Variants in DNAJC1 observed in about 807,000 individuals in gnomAD.
The protein encoded by DNAJC1 is dnaJ homolog subfamily C member 1.
In DNAJC1, 58 loss-of-function variants were observed where a neutral mutation model predicts 76.6. The ratio of observed to expected loss-of-function variants is 0.76; its 90% CI spans 0.61 to 0.94. The LOEUF (loss-of-function observed/expected upper bound fraction) is 0.94, where lower values mean the gene tolerates loss of function less well. Among genes scored for constraint, DNAJC1 ranks in the 40% least tolerant of loss-of-function variants. DNAJC1 has a pLI of 0.00. For missense variants in DNAJC1, 689 were observed against 677.3 expected (o/e 1.02, Z -0.19); for synonymous variants, 258 against 267.9 (o/e 0.96, Z 0.36).
intron 1 of DNAJC1, among the ~76,000 whole-genome samples, chr10:21,969,148 C>T (rs761157962): frequency 4.0e-5 from 6 of 150,206 alleles, no homozygotes; most frequent in Non-Finnish European, 5.9e-5. Flanking sequence ...TGCTTGAACC[C>T]GGGAGGCAGA....
intron 9 of DNAJC1, among the ~76,000 whole-genome samples, chr10:21,793,943 ACT>A (rs1276970122): frequency 2.0e-5 from 3 of 151,720 alleles, no homozygotes; most frequent in Admixed American, 6.6e-5. Context: ...ACAGAGTGAG[ACT>A]CTGTCAGAAA....
At chr10:21,959,624 G>A (rs2807966) in intron 1 of DNAJC1, among the ~76,000 whole-genome samples, 116,730 of 151,018 alleles carry the variant, frequency 0.77, 45,976 homozygotes, top group East Asian at 0.99. Flanking sequence ...TGTCTCTACT[G>A]AAAATACAAA....
At chr10:21,993,017 C>T (rs1838351311) in intron 1 of DNAJC1, among the ~76,000 whole-genome samples, 1 of 152,072 alleles carries the variant, frequency 6.6e-6, no homozygotes, top group Non-Finnish European at 1.5e-5. Flanking sequence ...ACTTTTGTTT[C>T]TACGAGAGCT....
chr10:21,875,646 C>T (rs933583369), intron 8 of DNAJC1, among the ~76,000 whole-genome samples: 1 of 152,142 alleles, frequency 6.6e-6, no homozygotes, highest in African/African-American at 2.4e-5. Flanking sequence ...AAAAAATAAG[C>T]TAGGCGTGGT....
intron 8 of DNAJC1, among the ~76,000 whole-genome samples, chr10:21,815,479 C>G (rs1383597430): frequency 6.6e-6 from 1 of 152,168 alleles, no homozygotes. Context: ...AATAAACTGT[C>G]CTCTATCTCT....
At chr10:21,958,548 C>T (rs1415636210) in intron 1 of DNAJC1, among the ~76,000 whole-genome samples, 3 of 152,084 alleles carry the variant, frequency 2.0e-5, no homozygotes, top group Non-Finnish European at 4.4e-5. Flanking sequence ...CTTCCTCAGC[C>T]TTCTCAGTAG....
intron 6 of DNAJC1, among the ~76,000 whole-genome samples, chr10:21,908,060 AAT>A (rs1269957762): frequency 8.5e-6 from 1 of 117,172 alleles, no homozygotes; most frequent in Non-Finnish European, 1.6e-5. Flanking sequence ...AAATATATAT[AAT>A]ATAATATACA....
chr10:21,888,709 A>C (rs1455733883), intron 7 of DNAJC1, among the ~76,000 whole-genome samples: 1 of 152,182 alleles, frequency 6.6e-6, no homozygotes, highest in Non-Finnish European at 1.5e-5. Flanking sequence ...TTCACTTACA[A>C]GTGAGAGCTA....
chr10:21,875,306 C>T (rs572978935), intron 8 of DNAJC1, among the ~76,000 whole-genome samples: 2 of 152,290 alleles, frequency 1.3e-5, no homozygotes, highest in South Asian at 4.1e-4. Flanking sequence ...CAGTTGTGCA[C>T]CACCAAGCCT....
intron 3 of DNAJC1, among the ~76,000 whole-genome samples, chr10:21,927,991 G>T (rs1837156718): frequency 6.6e-6 from 1 of 152,178 alleles, no homozygotes; most frequent in African/African-American, 2.4e-5. Context: ...AGAAATAGAT[G>T]CAAGAGGCAA....
intron 8 of DNAJC1, among the ~76,000 whole-genome samples, chr10:21,863,780 A>C (rs533741556): frequency 3.9e-5 from 6 of 152,294 alleles, no homozygotes; most frequent in Admixed American, 3.3e-4. Flanking sequence ...AAAAAGATCT[A>C]TTCATGATAA....
chr10:21,867,562 C>T (rs1455898142), intron 8 of DNAJC1, among the ~76,000 whole-genome samples: 1 of 152,026 alleles, frequency 6.6e-6, no homozygotes, highest in Non-Finnish European at 1.5e-5. Flanking sequence ...TTTCACACGA[C>T]TAGCAAAAGG....
intron 1 of DNAJC1, among the ~76,000 whole-genome samples, chr10:21,984,490 G>A (rs577493004): frequency 5.3e-5 from 8 of 152,260 alleles, no homozygotes; most frequent in Admixed American, 3.9e-4. Context: ...AAAATGGTGT[G>A]TCACCCTTTA....
At chr10:21,939,807 G>A (rs1228032150) in intron 1 of DNAJC1, among the ~76,000 whole-genome samples, 1 of 151,962 alleles carries the variant, frequency 6.6e-6, no homozygotes, top group African/African-American at 2.4e-5. Context: ...CTAGGTCTTT[G>A]GGTCATTTTC....
chr10:21,869,951 A>G lies in DNAJC1; in HGVS notation c.978+12331T>C, dbSNP rs1029484308. Among the ~76,000 whole-genome samples, 22 of 152,102 alleles carry G rather than the reference A, an allele frequency of 1.4e-4. 1 individual carries two copies. The highest frequency in any genetic ancestry group is 5.3e-4 in the African/African-American group (22 of 41,380). ...TTTAAAATAAAAACTTGATAAAAAA[A>G]TTCGTATTTTATAAGTCAAGCATGT... On this transcript the variant is annotated intron_variant, in intron 8 of 11. Transcript: ENST00000376980.
At position 21,989,554 on chromosome 10, in the gene DNAJC1, G is replaced by A. The variant is rs553170728; in HGVS notation, c.222+13659C>T. Among the ~76,000 whole-genome samples, 11 of 152,306 alleles carry A rather than the reference G, an allele frequency of 7.2e-5. No homozygotes were observed. In the South Asian group the frequency reaches 2.3e-3, roughly 32 times the overall value. On this transcript the variant is annotated intron_variant, in intron 1 of 11. Coordinates refer to ENST00000376980, the MANE Select transcript of DNAJC1 (RefSeq NM_022365.4). ...TACTCTACCAAGGCCTGGGATCACAGCCAGGCTTGCTGCTTGAAATCAGGG... is the reference window on the plus strand; with the variant it reads ...TACTCTACCAAGGCCTGGGATCACAACCAGGCTTGCTGCTTGAAATCAGGG...
intron 1 of DNAJC1, among the ~76,000 whole-genome samples, chr10:21,988,397 C>A (rs76549395): frequency 6.6e-6 from 1 of 152,072 alleles, no homozygotes; most frequent in Non-Finnish European, 1.5e-5. Flanking sequence ...ATTAAAAAAT[C>A]GATGTGCTCC....
chr10:21,799,441 G>T (rs1453258109), intron 9 of DNAJC1, among the ~76,000 whole-genome samples: 1 of 152,062 alleles, frequency 6.6e-6, no homozygotes, highest in African/African-American at 2.4e-5. Flanking sequence ...TGGCACACAG[G>T]TGTGTGCAAC....
chr10:21,970,842 C>G (rs1302676016), intron 1 of DNAJC1, among the ~76,000 whole-genome samples: 1 of 151,870 alleles, frequency 6.6e-6, no homozygotes, highest in East Asian at 1.9e-4. Context: ...TTCTATATTT[C>G]TAATCTCTTA....
Sources: gnomAD v4.1 joint callset for allele counts (sites outside exome capture counted in the v4.1 genomes callset) on GRCh38, gnomAD v4.1.1 for gene constraint, MANE v1.5 for transcripts, NCBI Gene and HGNC (gene_info 2026-07-23, HGNC 2026-07-21) for gene names.